SYNJ1: variants seen among roughly 807,000 people sequenced by gnomAD.
The protein encoded by SYNJ1 is synaptojanin 1.
Under a neutral mutation model 168.2 loss-of-function variants are expected in SYNJ1, and 78 were observed. The ratio of observed to expected loss-of-function variants is 0.46; its 90% CI spans 0.39 to 0.56. The LOEUF is 0.56. SYNJ1 is among the 20% of genes least tolerant of loss of function. SYNJ1 has a pLI of 0.00. For synonymous variants in SYNJ1, 539 were observed against 548.6 expected, an observed-to-expected ratio of 0.98 and a Z score of 0.24; for missense variants, 1,303 against 1,597.6, an observed-to-expected ratio of 0.82 and a Z score of 3.14.
At chr21:32,679,040 C>T (rs1374936395) in intron 11 of SYNJ1, among the ~76,000 whole-genome samples, 2 of 152,092 alleles carry the variant, frequency 1.3e-5, no homozygotes, top group Non-Finnish European at 2.9e-5. Flanking sequence ...GTGCTACAAC[C>T]TCATCCAGTA....
At chr21:32,728,081 G>A (rs2043562301), upstream of SYNJ1, 9 of 1,517,084 alleles carry the variant, frequency 5.9e-6, no homozygotes, top group Non-Finnish European at 7.9e-6. Flanking sequence ...CCGCGCGAGG[G>A]AAGGGGCGGG....
intron 14 of SYNJ1, among the ~76,000 whole-genome samples, chr21:32,672,079 AAAAAAG>A (rs1175073397): frequency 0.095 from 10,876 of 114,686 alleles, 359 homozygotes; most frequent in East Asian, 0.13. Flanking sequence ...AAAAAAAAAA[AAAAAAG>A]AAAAAGAAAA....
intron 15 of SYNJ1, among the ~76,000 whole-genome samples, chr21:32,667,640 T>C (rs2040993226): frequency 6.6e-6 from 1 of 152,050 alleles, no homozygotes; most frequent in Non-Finnish European, 1.5e-5. Flanking sequence ...TGGCAGGATG[T>C]CGGTTCACTG....
intron 2 of SYNJ1, among the ~76,000 whole-genome samples, chr21:32,725,973 G>A (rs947963673): frequency 5.9e-5 from 9 of 152,016 alleles, no homozygotes; most frequent in Non-Finnish European, 1.2e-4. Flanking sequence ...CCCAAGTAGC[G>A]GGGACTAAAG....
intron 21 of SYNJ1, among the ~76,000 whole-genome samples, chr21:32,655,016 G>GT (rs1279094584): frequency 4.6e-5 from 7 of 152,140 alleles, no homozygotes; most frequent in African/African-American, 1.4e-4. Context: ...AATATTCCAG[G>GT]TTGGAGACAC....
intron 1 of SYNJ1, 86 bp from the exon 2 acceptor site, chr21:32,727,003 G>C: frequency 1.3e-6 from 2 of 1,515,492 alleles, no homozygotes; most frequent in Non-Finnish European, 1.8e-6. Flanking sequence ...GTCCCTCCCC[G>C]CCAGGTTTTG....
intron 23 of SYNJ1, 90 bp from the exon 24 acceptor site, chr21:32,646,692 CA>C: frequency 1.1e-6 from 1 of 916,306 alleles, no homozygotes; most frequent in East Asian, 2.5e-5. Flanking sequence ...TTAAAATACA[CA>C]AAACAAATAT....
At chr21:32,713,506 T>C (rs1012759788) in intron 2 of SYNJ1, among the ~76,000 whole-genome samples, 6 of 137,964 alleles carry the variant, frequency 4.3e-5, no homozygotes, top group African/African-American at 1.7e-4. Context: ...ACATGGATGA[T>C]TTCCCATATA....
chr21:32,687,184 G>T, intron 7 of SYNJ1, 110 bp from the exon 8 acceptor site: 3 of 580,852 alleles, frequency 5.2e-6, no homozygotes, highest in South Asian at 3.1e-5. Context: ...TTTAAACACA[G>T]AATTGGAAAA....
chr21:32,694,919 C>T, intron 5 of SYNJ1, 138 bp downstream of exon 5: 1 of 937,930 alleles, frequency 1.1e-6, no homozygotes, highest in Non-Finnish European at 1.5e-6. Flanking sequence ...TTTTTAAGGC[C>T]CATAAGTAAC....
intron 32 of SYNJ1, among the ~76,000 whole-genome samples, chr21:32,632,946 G>A (rs2039404084): frequency 6.6e-6 from 1 of 152,106 alleles, no homozygotes; most frequent in African/African-American, 2.4e-5. Context: ...CTTGAACCTG[G>A]GAGGCAGAGG....
chr21:32,633,318 T>C (rs2039424490), intron 32 of SYNJ1, among the ~76,000 whole-genome samples: 2 of 151,998 alleles, frequency 1.3e-5, no homozygotes, highest in South Asian at 4.2e-4. Context: ...CCCTACTCCA[T>C]AAAGAAGGTG....
At chr21:32,679,005 C>G (rs1386905556) in intron 11 of SYNJ1, among the ~76,000 whole-genome samples, 1 of 152,112 alleles carries the variant, frequency 6.6e-6, no homozygotes, top group African/African-American at 2.4e-5. Context: ...GATTAAAGCT[C>G]TGCACAAAGA....
chr21:32,695,216 A>C lies in SYNJ1; in HGVS notation c.546T>G (p.Leu182=). 6.2e-7 allele frequency: 1 copy of C among 1,614,110 alleles called. No individual in the cohort carries two copies. Among genetic ancestry groups the C allele is most frequent in the East Asian group, 2.2e-5 (1 of 44,866 alleles). Residue 182 remains leucine (L), a synonymous_variant, in exon 5 of 33, where the codon CTT becomes CTG. Transcript: ENST00000674351. ...GVNCDDWLLR[L]MCGGVEIRTI... ...TTCTGATTTCTACTCCTCCACACAT[A>C]AGACGTAATAACCAGTCATCACAAT...
chr21:32,714,775 T>C (rs543093819), intron 2 of SYNJ1, among the ~76,000 whole-genome samples: 8 of 152,192 alleles, frequency 5.3e-5, no homozygotes, highest in Non-Finnish European at 8.8e-5. Flanking sequence ...TCACAGAAAT[T>C]TCTACCTTCT....
chr21:32,653,547 C>T (rs1271514570), intron 21 of SYNJ1, 181 bp from the exon 22 acceptor site: 4 of 550,020 alleles, frequency 7.3e-6, no homozygotes, highest in African/African-American at 1.9e-5. Context: ...TAAAAACACT[C>T]TAACTCCAAT....
chr21:32,666,633 T>G, intron 15 of SYNJ1, 60 bp from the exon 16 acceptor site: 5 of 1,529,832 alleles, frequency 3.3e-6, no homozygotes, highest in Non-Finnish European at 4.4e-6. Flanking sequence ...GCCTATTTTA[T>G]GACAATTGTC....
At chr21:32,665,211 G>A (rs1161054847) in intron 17 of SYNJ1, 140 bp from the exon 18 acceptor site, 13 of 854,830 alleles carry the variant, frequency 1.5e-5, no homozygotes, top group Admixed American at 3.2e-5. Context: ...CATGTGAAAC[G>A]AAAATAAATC....
chr21:32,637,691 C>T (rs946682138), intron 31 of SYNJ1, among the ~76,000 whole-genome samples: 4 of 152,162 alleles, frequency 2.6e-5, no homozygotes, highest in Admixed American at 6.5e-5. Flanking sequence ...GCTGGGATTA[C>T]AGGCATGAGC....
Sources: allele counts gnomAD v4.1 joint callset (sites outside exome capture counted in the v4.1 genomes callset), GRCh38; gene constraint gnomAD v4.1.1; transcripts MANE v1.5; gene names NCBI Gene and HGNC (gene_info 2026-07-23, HGNC 2026-07-21).